The following TSNARE1 variants were observed in gnomAD, a reference collection of about 807,000 sequenced individuals.
TSNARE1 encodes t-SNARE domain containing 1.
TSNARE1 carries 49 observed loss-of-function variants against 62.0 expected under a neutral mutation model. That is an observed-to-expected ratio of 0.79 (90% CI 0.63 to 1.00). TSNARE1 has a LOEUF of 1.00. TSNARE1 is among the 50% of genes least tolerant of loss of function. TSNARE1 has a pLI of 0.00. For missense variants in TSNARE1, 755 were observed against 700.1 expected, an observed-to-expected ratio of 1.08 and a Z score of -0.88; for synonymous variants, 328 against 294.4, an observed-to-expected ratio of 1.11 and a Z score of -1.17.
At chr8:142,258,078 A>G (rs1438621452) in intron 12 of TSNARE1, among the ~76,000 whole-genome samples, 1 of 152,140 alleles carries the variant, frequency 6.6e-6, no homozygotes, top group Non-Finnish European at 1.5e-5. Flanking sequence ...ACCTATGCTC[A>G]TGCACACACG....
chr8:142,372,063 G>A (rs1835954529), intron 1 of TSNARE1, among the ~76,000 whole-genome samples: 1 of 152,190 alleles, frequency 6.6e-6, no homozygotes, highest in Admixed American at 6.5e-5. Flanking sequence ...AGGAGACGAA[G>A]GCTGTGAGAG....
At chr8:142,299,517 G>A (rs775788727) in intron 10 of TSNARE1, among the ~76,000 whole-genome samples, 1 of 152,228 alleles carries the variant, frequency 6.6e-6, no homozygotes, top group East Asian at 1.9e-4. Flanking sequence ...GGATCCCACC[G>A]CCAACAGAGC....
chr8:142,242,804 A>T (rs1478177960), intron 12 of TSNARE1, among the ~76,000 whole-genome samples: 1 of 152,160 alleles, frequency 6.6e-6, no homozygotes, highest in African/African-American at 2.4e-5. Flanking sequence ...TCTACTAAAA[A>T]TACTAAAATT....
At position 142,213,532 on chromosome 8, in the gene TSNARE1, G is replaced by A. The variant is rs533856532; in HGVS notation, c.*12-1219C>T. ...CTATAAAAGTCCAATAAGGACAAAC[G>A]CCAGTTGCCTGGCCGTGGGCAGAGG... On this transcript the variant is annotated intron_variant, in intron 13 of 13. Coordinates refer to ENST00000524325, the MANE Select transcript of TSNARE1 (RefSeq NM_145003.5). 7.2e-5 allele frequency among the ~76,000 whole-genome samples: 11 copies of A among 152,246 alleles called. No individual in the cohort carries two copies. The East Asian group carries it at 1.8e-3, about 24-fold the overall frequency.
chr8:142,292,296 G>A (rs920507508), intron 10 of TSNARE1, among the ~76,000 whole-genome samples: 3 of 152,188 alleles, frequency 2.0e-5, no homozygotes, highest in African/African-American at 7.2e-5. Context: ...CAGAACCCAC[G>A]AGCTTCCCCC....
chr8:142,349,006 C>T (rs745722306), intron 2 of TSNARE1, among the ~76,000 whole-genome samples: 1 of 152,194 alleles, frequency 6.6e-6, no homozygotes, highest in Non-Finnish European at 1.5e-5. Context: ...GCCCCACCAG[C>T]CTGCCTGGAA....
chr8:142,332,236 C>CA (rs1369627103), intron 4 of TSNARE1, among the ~76,000 whole-genome samples: 1 of 152,246 alleles, frequency 6.6e-6, no homozygotes, highest in African/African-American at 2.4e-5. Context: ...ACCGGCAGCT[C>CA]AGCATTGGAA....
chr8:142,226,449 C>T (rs542317218), intron 13 of TSNARE1, among the ~76,000 whole-genome samples: 5 of 152,296 alleles, frequency 3.3e-5, no homozygotes, highest in Admixed American at 2.6e-4. Flanking sequence ...GTCCTGCTTG[C>T]GTCTGCCCCT....
chr8:142,372,838 G>A (rs1337696933), intron 1 of TSNARE1, among the ~76,000 whole-genome samples: 1 of 150,662 alleles, frequency 6.6e-6, no homozygotes, highest in African/African-American at 2.4e-5. Context: ...CTTCCCTGCT[G>A]TGCCTCTCCC....
At chr8:142,362,029 G>A (rs1372336717) in intron 1 of TSNARE1, among the ~76,000 whole-genome samples, 1 of 152,268 alleles carries the variant, frequency 6.6e-6, no homozygotes, top group South Asian at 2.1e-4. Context: ...CCGATGGCCT[G>A]CAGCAGGAGG....
In TSNARE1 at chr8:142,269,350, C is replaced by A. The variant is rs1033692841; in HGVS notation, c.1446+5431G>T. On this transcript the variant is annotated intron_variant, in intron 12 of 13. Transcript: ENST00000524325. ...AGGGTCAAGGCTCAATGTGCAACTG[C>A]AGTCAGGACACAGTGTGGGGTGAAG... 1.4e-5 allele frequency: 11 copies of A among 802,282 alleles called. No homozygotes were observed. The African/African-American group carries it at 2.1e-4, about 15-fold the overall frequency. 49.7% of individuals were successfully genotyped at this position (802,282 alleles called of 1,614,324 possible).
At chr8:142,254,979 C>G (rs1331131811) in intron 12 of TSNARE1, among the ~76,000 whole-genome samples, 2 of 152,118 alleles carry the variant, frequency 1.3e-5, no homozygotes, top group Non-Finnish European at 2.9e-5. Context: ...GTGCTGACTG[C>G]CTGGGTGGTT....
chr8:142,256,036 G>A (rs150766805), intron 12 of TSNARE1, among the ~76,000 whole-genome samples: 22,586 of 34,602 alleles, frequency 0.65, 6,293 homozygotes, highest in Non-Finnish European at 0.69. Context: ...CACTGTCACC[G>A]TCACCACCAC....
chr8:142,335,056 A>G (rs186636966), intron 4 of TSNARE1, among the ~76,000 whole-genome samples: 4 of 152,366 alleles, frequency 2.6e-5, no homozygotes, highest in Non-Finnish European at 4.4e-5. Context: ...ATCGATTGTA[A>G]AAGCAAAATC....
chr8:142,333,693 A>T (rs902620092), intron 4 of TSNARE1, among the ~76,000 whole-genome samples: 3 of 152,188 alleles, frequency 2.0e-5, no homozygotes, highest in African/African-American at 7.2e-5. Context: ...AGGCCTGTCC[A>T]CGTATGCTCT....
At chr8:142,245,459 C>T (rs895160513) in intron 12 of TSNARE1, among the ~76,000 whole-genome samples, 1 of 152,222 alleles carries the variant, frequency 6.6e-6, no homozygotes, top group East Asian at 1.9e-4. Context: ...GCTAGGGTCA[C>T]ACAATGTCAT....
At chr8:142,325,382 G>A (rs1586813476) in intron 6 of TSNARE1, among the ~76,000 whole-genome samples, 1 of 152,178 alleles carries the variant, frequency 6.6e-6, no homozygotes, top group Non-Finnish European at 1.5e-5. Flanking sequence ...TTTAAAGATC[G>A]CTTTGAGCTC....
intron 12 of TSNARE1, among the ~76,000 whole-genome samples, chr8:142,255,502 ACCACTG>A (rs1818402547): frequency 1.3e-5 from 1 of 74,776 alleles, no homozygotes; most frequent in Non-Finnish European, 2.5e-5. Context: ...CACCACCACC[ACCACTG>A]TCACCATCAC....
At chr8:142,384,575 G>A (rs373419734) in intron 1 of TSNARE1, among the ~76,000 whole-genome samples, 2 of 152,334 alleles carry the variant, frequency 1.3e-5, no homozygotes, top group East Asian at 3.9e-4. Context: ...ACTATTCAGT[G>A]AGAAAAGGAT....
Sources: allele counts gnomAD v4.1 joint callset (sites outside exome capture counted in the v4.1 genomes callset), GRCh38; gene constraint gnomAD v4.1.1; transcripts MANE v1.5; gene names NCBI Gene and HGNC (gene_info 2026-07-23, HGNC 2026-07-21).